The following AFG2B variants were observed in gnomAD, a reference collection of about 807,000 sequenced individuals.
AFG2B encodes AAA ATPase AFG2B, also known as ATPase family gene 2 protein homolog B.
the AFG2B span, chr15:45,402,366 C>T: frequency 1.3e-4 from 206 of 1,550,598 alleles, 1 homozygote; most frequent in Non-Finnish European, 1.7e-4. Flanking sequence ...GCTCGGTGTT[C>T]CGCTTTTTGT....
chr15:45,410,304 A>T, the AFG2B span: 1 of 1,540,184 alleles, frequency 6.5e-7, no homozygotes, highest in Non-Finnish European at 8.9e-7. Context: ...TTAAAAACAA[A>T]TTGTGCTATA....
chr15:45,409,709 A>G, the AFG2B span, among the ~76,000 whole-genome samples: 34 of 151,460 alleles, frequency 2.2e-4, no homozygotes, highest in South Asian at 6.9e-3. Context: ...AAAAAAAAAT[A>G]TATATATTTT....
chr15:45,403,620 G>A, the AFG2B span: 3 of 1,477,700 alleles, frequency 2.0e-6, no homozygotes, highest in Non-Finnish European at 2.7e-6. Flanking sequence ...TTTGAGCATC[G>A]GTGAGGTTGG....
chr15:45,405,546 A>G, the AFG2B span: 3 of 1,570,256 alleles, frequency 1.9e-6, no homozygotes, highest in Non-Finnish European at 2.6e-6. Flanking sequence ...TTAATCTATT[A>G]TTGTAACAGA....
At chr15:45,418,288 G>A in the AFG2B span, among the ~76,000 whole-genome samples, 1 of 148,192 alleles carries the variant, frequency 6.7e-6, no homozygotes, top group African/African-American at 2.5e-5. Flanking sequence ...AGGTTGTAGT[G>A]AGCCAAGATC....
At chr15:45,402,642 T>G in the AFG2B span, 92 of 1,579,296 alleles carry the variant, frequency 5.8e-5, 1 homozygote, top group Middle Eastern at 8.5e-4. Flanking sequence ...CGGACGGCTT[T>G]GTGCAGCTGG....
chr15:45,407,285 G>A, the AFG2B span: 6 of 1,150,636 alleles, frequency 5.2e-6, no homozygotes, highest in South Asian at 1.7e-5. Flanking sequence ...ACCTCTCCCT[G>A]TACCAGGGCA....
the AFG2B span, among the ~76,000 whole-genome samples, chr15:45,405,136 C>T: frequency 6.6e-6 from 1 of 152,120 alleles, no homozygotes; most frequent in South Asian, 2.1e-4. Context: ...ACACATATTC[C>T]TTCTACCTAA....
chr15:45,417,246 T>C, the AFG2B span: 4 of 1,610,056 alleles, frequency 2.5e-6, no homozygotes, highest in African/African-American at 5.3e-5. Flanking sequence ...TGACATTACT[T>C]TGTGTTGTGT....
the AFG2B span, chr15:45,407,035 G>T: frequency 7.8e-7 from 1 of 1,289,084 alleles, no homozygotes; most frequent in Non-Finnish European, 1.0e-6. Context: ...GAAGTTCCAG[G>T]TTTGACCATA....
chr15:45,412,427 G>A, the AFG2B span, among the ~76,000 whole-genome samples: 4 of 151,870 alleles, frequency 2.6e-5, no homozygotes, highest in Admixed American at 6.6e-5. Flanking sequence ...AATCTAAAAC[G>A]GGGGTCAACA....
chr15:45,417,485 C>T, the AFG2B span: 4 of 1,425,868 alleles, frequency 2.8e-6, no homozygotes, highest in African/African-American at 1.4e-5. Flanking sequence ...TCTACTTACC[C>T]TGGGTTCCGC....
the AFG2B span, among the ~76,000 whole-genome samples, chr15:45,403,824 C>G: frequency 3.3e-5 from 5 of 152,068 alleles, no homozygotes; most frequent in African/African-American, 7.2e-5. Context: ...TGTGCAGGTC[C>G]TATAATCAGT....
chr15:45,411,790 T>A, the AFG2B span, among the ~76,000 whole-genome samples: 5 of 151,480 alleles, frequency 3.3e-5, no homozygotes, highest in African/African-American at 1.2e-4. Flanking sequence ...CCTGTGTCTT[T>A]AAAAAAAAAT....
the AFG2B span, chr15:45,414,815 T>G: frequency 1.3e-6 from 2 of 1,563,398 alleles, no homozygotes; most frequent in Non-Finnish European, 1.8e-6. Context: ...AAATTTACTT[T>G]TGAATTTTTA....
the AFG2B span, chr15:45,415,566 A>G: frequency 6.2e-7 from 1 of 1,604,832 alleles, no homozygotes; most frequent in Non-Finnish European, 8.5e-7. Flanking sequence ...TAGCTTTTTA[A>G]TATTTTTTTC....
At chr15:45,411,640 C>T in the AFG2B span, among the ~76,000 whole-genome samples, 2 of 152,024 alleles carry the variant, frequency 1.3e-5, no homozygotes, top group African/African-American at 4.8e-5. Flanking sequence ...TTTAAATTAG[C>T]CAGGTGTGGT....
At chr15:45,418,831 G>T in the AFG2B span, 5 of 1,090,772 alleles carry the variant, frequency 4.6e-6, no homozygotes, top group South Asian at 5.4e-5. Context: ...ACAGCTTATT[G>T]TAAGTGTGGG....
chr15:45,420,988 A>T, the AFG2B span: 3 of 1,565,508 alleles, frequency 1.9e-6, no homozygotes, highest in Non-Finnish European at 2.6e-6. Context: ...GCAAAACTCC[A>T]TCTCAAAGAA....
Sources: gnomAD v4.1 joint callset for allele counts (sites outside exome capture counted in the v4.1 genomes callset) on GRCh38, gnomAD v4.1.1 for gene constraint, MANE v1.5 for transcripts, NCBI Gene and HGNC (gene_info 2026-07-23, HGNC 2026-07-21) for gene names.